NNT: variants seen among roughly 807,000 people sequenced by gnomAD.
NNT encodes NAD(P) transhydrogenase, mitochondrial.
NNT carries 50 observed loss-of-function variants against 104.8 expected under a neutral mutation model. The ratio of observed to expected loss-of-function variants is 0.48; its 90% CI spans 0.38 to 0.60. The LOEUF (loss-of-function observed/expected upper bound fraction) is 0.60. Among genes scored for constraint, NNT ranks in the 20% least tolerant of loss-of-function variants. NNT has a pLI of 0.00. For synonymous variants in NNT, 461 were observed against 490.4 expected (o/e 0.94, Z 0.79); for missense variants, 1,131 against 1,330.7 (o/e 0.85, Z 2.33).
chr5:43,703,150 G>C (rs1742945735), intron 21 of NNT, among the ~76,000 whole-genome samples: 1 of 152,162 alleles, frequency 6.6e-6, no homozygotes, highest in African/African-American at 2.4e-5. Flanking sequence ...TTTATAAGTT[G>C]TTATAGAGTG....
At chr5:43,608,501 A>C (rs1490340934) in intron 1 of NNT, among the ~76,000 whole-genome samples, 1 of 152,148 alleles carries the variant, frequency 6.6e-6, no homozygotes, top group Non-Finnish European at 1.5e-5. Flanking sequence ...GATACTATGG[A>C]ATTTTTCTTT....
chr5:43,693,493 T>C, intron 19 of NNT, among the ~76,000 whole-genome samples: 1 of 152,186 alleles, frequency 6.6e-6, no homozygotes, highest in East Asian at 1.9e-4. Context: ...CCTTGTAACA[T>C]TTTGGAAATG....
At chr5:43,630,096 A>G (rs1226616521) in intron 7 of NNT, among the ~76,000 whole-genome samples, 2 of 152,128 alleles carry the variant, frequency 1.3e-5, no homozygotes, top group Non-Finnish European at 1.5e-5. Context: ...TAGAATTTTT[A>G]TCGTTTCAGG....
intron 7 of NNT, 38 bp from the exon 8 acceptor site, chr5:43,644,154 G>A (rs974182717): frequency 1.3e-6 from 2 of 1,555,906 alleles, no homozygotes; most frequent in Non-Finnish European, 1.7e-6. Context: ...GTTAGAAAAT[G>A]ATAATACAAA....
intron 4 of NNT, among the ~76,000 whole-genome samples, chr5:43,618,626 T>C (rs1749911490): frequency 6.6e-6 from 1 of 152,236 alleles, no homozygotes; most frequent in Admixed American, 6.5e-5. Context: ...AGTATTTTCC[T>C]ATCTTTCTTT....
At chr5:43,636,261 C>G (rs967778177) in intron 7 of NNT, among the ~76,000 whole-genome samples, 2 of 152,036 alleles carry the variant, frequency 1.3e-5, no homozygotes, top group African/African-American at 4.8e-5. Context: ...TGGATGGTAC[C>G]CAGGACACAA....
intron 7 of NNT, among the ~76,000 whole-genome samples, 172 bp from the exon 8 acceptor site, chr5:43,644,020 T>C (rs1384180454): frequency 1.3e-5 from 2 of 152,214 alleles, no homozygotes; most frequent in Non-Finnish European, 2.9e-5. Context: ...ACTCATCATA[T>C]ATTTTTCTGA....
intron 19 of NNT, among the ~76,000 whole-genome samples, chr5:43,683,964 A>G (rs142309096): frequency 6.6e-6 from 1 of 152,148 alleles, no homozygotes; most frequent in Non-Finnish European, 1.5e-5. Context: ...TCTCCTCAGG[A>G]TGGAAAAGGT....
chr5:43,645,457 C>T lies in NNT; in HGVS notation c.1391C>T (p.Ala464Val), dbSNP rs1395609733. The T allele has an allele frequency of 6.3e-7, 1 of 1,577,364 alleles. No individual in the cohort carries two copies. Among genetic ancestry groups the T allele is most frequent in the Non-Finnish European group, 8.6e-7 (1 of 1,160,706 alleles). Residue 464 changes from alanine to valine, a missense_variant, in exon 10 of 22, where the codon GCT becomes GTT. Coordinates refer to ENST00000344920, the MANE Select transcript of NNT (RefSeq NM_182977.3). The stretch of plus-strand genomic sequence containing the variant: ...GCTGAGCTGGAAGCTGAAAAAGCAG[C>T]TACCATTACACCCTTCAGGAAGACA... ...TVAELEAEKA[A>V]TITPFRKTMS...
In NNT at chr5:43,628,924, G is replaced by T. The variant is rs148158601; in HGVS notation, c.964+537G>T. On this transcript the variant is annotated intron_variant, in intron 7 of 21. Coordinates refer to ENST00000344920, the MANE Select transcript of NNT (RefSeq NM_182977.3). ...TTTATATAAATTCATAGATTATACTGTGTGTACAATGTTTTTTTTTTTTTC... is the reference window on the plus strand; with the variant it reads ...TTTATATAAATTCATAGATTATACTTTGTGTACAATGTTTTTTTTTTTTTC... Among the ~76,000 whole-genome samples the T allele has an allele frequency of 3.9e-3, 587 of 149,794 alleles. 8 individuals are homozygous for T. Among genetic ancestry groups the T allele is most frequent in the African/African-American group, 0.014 (560 of 39,968 alleles).
chr5:43,697,379 C>T (rs370349945), intron 19 of NNT, among the ~76,000 whole-genome samples: 1 of 152,184 alleles, frequency 6.6e-6, no homozygotes, highest in Non-Finnish European at 1.5e-5. Flanking sequence ...TTGTCCATAA[C>T]GTTATCAGCA....
chr5:43,643,362 G>A (rs947009363), intron 7 of NNT, among the ~76,000 whole-genome samples: 3 of 152,168 alleles, frequency 2.0e-5, no homozygotes, highest in African/African-American at 7.2e-5. Flanking sequence ...ATATTAGCTC[G>A]AAAAGTCCTA....
At chr5:43,693,818 C>A (rs960757184) in intron 19 of NNT, among the ~76,000 whole-genome samples, 15 of 152,082 alleles carry the variant, frequency 9.9e-5, no homozygotes, top group Non-Finnish European at 5.9e-5. Flanking sequence ...GTTGGATGAC[C>A]ACCTAAAACT....
At chr5:43,678,776 A>G (rs188639290) in intron 19 of NNT, among the ~76,000 whole-genome samples, 94 of 152,332 alleles carry the variant, frequency 6.2e-4, no homozygotes, top group Non-Finnish European at 3.4e-4. Flanking sequence ...TGTCCCAGCT[A>G]CTAGTAGTGG....
At chr5:43,626,791 T>C (rs1167742507) in intron 6 of NNT, among the ~76,000 whole-genome samples, 1 of 150,598 alleles carries the variant, frequency 6.6e-6, no homozygotes, top group Non-Finnish European at 1.5e-5. Flanking sequence ...CATATATGTA[T>C]GTGTATATAT....
intron 2 of NNT, among the ~76,000 whole-genome samples, chr5:43,612,205 C>T (rs1196183891): frequency 6.6e-6 from 1 of 152,182 alleles, no homozygotes; most frequent in African/African-American, 2.4e-5. Context: ...CTGTGGGTCT[C>T]CCATTTAAAC....
chr5:43,655,718 C>T (rs546286816), intron 14 of NNT, 122 bp from the exon 15 acceptor site: 62 of 703,352 alleles, frequency 8.8e-5, no homozygotes, highest in Non-Finnish European at 1.4e-4. Flanking sequence ...ATATTTAGCC[C>T]GTACTAGGAA....
At chr5:43,697,355 C>G (rs530551033) in intron 19 of NNT, among the ~76,000 whole-genome samples, 6 of 152,196 alleles carry the variant, frequency 3.9e-5, no homozygotes, top group Non-Finnish European at 8.8e-5. Flanking sequence ...GAGACCACCT[C>G]AGCCTGGATT....
chr5:43,707,213 G>GT lies in NNT; in HGVS notation c.*2810dup, dbSNP rs1440927520. 2 of 151,500 alleles carry GT rather than the reference G, an allele frequency of 1.3e-5. No homozygotes were observed. Among genetic ancestry groups the GT allele is most frequent in the African/African-American group, 2.4e-5 (1 of 41,212 alleles). 9.4% of individuals were successfully genotyped at this position (151,500 alleles called of 1,614,324 possible). On this transcript the variant is annotated 3_prime_UTR_variant, in exon 22 of 22. Transcript: ENST00000344920. ...ATTAAAAAAATAAAGAAATTTTGGG[G>GT]TAAAAAAACACAATATATTGTATTC... is the stretch of plus-strand genomic sequence containing the variant.
Sources: gnomAD v4.1 joint callset for allele counts (sites outside exome capture counted in the v4.1 genomes callset) on GRCh38, gnomAD v4.1.1 for gene constraint, MANE v1.5 for transcripts, NCBI Gene and HGNC (gene_info 2026-07-23, HGNC 2026-07-21) for gene names.